The following CD109 variants were observed in gnomAD, a reference collection of about 807,000 sequenced individuals.
CD109 encodes the protein CD109 molecule.
A neutral mutation model predicts 165.8 loss-of-function variants in CD109; 149 were observed. That is an observed-to-expected ratio of 0.90 (90% CI 0.79 to 1.03). The LOEUF (loss-of-function observed/expected upper bound fraction) is 1.03. CD109 is among the 50% of genes least tolerant of loss of function. The pLI is 0.00. For missense variants in CD109, 1,712 were observed against 1,677.8 expected (o/e 1.02, Z -0.36); for synonymous variants, 585 against 592.1 (o/e 0.99, Z 0.18).
rs1163349870 is a variant in CD109, at chr6:73,817,036, A to G, written c.3912-1352A>G. On this transcript the variant is annotated intron_variant, in intron 30 of 32. Transcript: ENST00000287097. ...TAGGGGTTTTATAAAAAGGATTTAA[A>G]TGCTGCTACTAGTTTTCTGAGAAAA... Among the ~76,000 whole-genome samples, 3 of 152,210 alleles carry G rather than the reference A, an allele frequency of 2.0e-5. No homozygotes were observed. The East Asian group carries it at 5.8e-4, about 29-fold the overall frequency.
At chr6:73,790,013 G>C (rs995723375) in intron 22 of CD109, among the ~76,000 whole-genome samples, 3 of 150,476 alleles carry the variant, frequency 2.0e-5, no homozygotes, top group Admixed American at 6.6e-5. Context: ...GGGATTACAG[G>C]TGTGAGCCAT....
chr6:73,778,097 G>A (rs1424473483), intron 15 of CD109, among the ~76,000 whole-genome samples: 1 of 152,172 alleles, frequency 6.6e-6, no homozygotes, highest in Non-Finnish European at 1.5e-5. Context: ...GCAGTGGTTT[G>A]TAGTTCTCCT....
intron 32 of CD109, among the ~76,000 whole-genome samples, chr6:73,821,791 A>G (rs947698066): frequency 6.6e-6 from 1 of 152,180 alleles, no homozygotes; most frequent in Non-Finnish European, 1.5e-5. Context: ...TATTTGGGTG[A>G]CAGGATCAAT....
intron 30 of CD109, among the ~76,000 whole-genome samples, chr6:73,818,135 G>A (rs1014741653): frequency 3.9e-5 from 6 of 152,126 alleles, no homozygotes; most frequent in Non-Finnish European, 7.3e-5. Flanking sequence ...CTCTTACATT[G>A]CAGGCATTGC....
At position 73,779,326 on chromosome 6, in the gene CD109, G is replaced by T. The variant is rs1477389689; in HGVS notation, c.1828-1098G>T. Among the ~76,000 whole-genome samples the T allele has an allele frequency of 3.4e-5, 5 of 149,238 alleles. No individual in the cohort carries two copies. In the East Asian group the frequency reaches 9.9e-4, roughly 30 times the overall value. ...TGCAATAGCGCGATCTTGGCTCACT[G>T]CAACCTCCGCCTCCCGGGTTCAAAC... is the stretch of plus-strand genomic sequence containing the variant. On this transcript the variant is annotated intron_variant, in intron 15 of 32. Transcript: ENST00000287097.
intron 15 of CD109, among the ~76,000 whole-genome samples, chr6:73,773,361 T>C (rs1774117553): frequency 6.6e-6 from 1 of 151,974 alleles, no homozygotes; most frequent in African/African-American, 2.4e-5. Flanking sequence ...GTGTATCTTT[T>C]AAATAGCATA....
intron 5 of CD109, among the ~76,000 whole-genome samples, chr6:73,749,750 G>GT (rs1471417908): frequency 6.6e-6 from 1 of 152,134 alleles, no homozygotes; most frequent in Non-Finnish European, 1.5e-5. Context: ...CATGAGTAAG[G>GT]TAAAAACATC....
chr6:73,699,916 T>G (rs1770999192), intron 2 of CD109, among the ~76,000 whole-genome samples: 2 of 152,186 alleles, frequency 1.3e-5, no homozygotes, highest in Admixed American at 1.3e-4. Context: ...TCAAGACACT[T>G]CTCCCTGCTT....
In CD109 at chr6:73,767,970, A is replaced by G. The variant is rs549720947; in HGVS notation, c.1498-85A>G. On this transcript the variant is annotated intron_variant, in intron 13 of 32. Transcript: ENST00000287097. The stretch of plus-strand genomic sequence containing the variant: ...TGGTTTAATTCAAGAATTTGTGTGT[A>G]TGCATACAATTATGATTAATGTAGC... 1.8e-5 allele frequency: 19 copies of G among 1,083,822 alleles called. No individual in the cohort carries two copies. The South Asian group carries it at 1.9e-4, about 11-fold the overall frequency. The allele number at this position is 1,083,822 out of a possible 1,614,324, so 67.1% of individuals were successfully genotyped here.
intron 22 of CD109, among the ~76,000 whole-genome samples, chr6:73,791,176 TACACACAC>T (rs3081481): frequency 2.9e-4 from 7 of 24,134 alleles, no homozygotes; most frequent in East Asian, 1.6e-3. Flanking sequence ...TATATATATA[TACACACAC>T]ACACATACAT....
intron 24 of CD109, among the ~76,000 whole-genome samples, chr6:73,805,853 G>A (rs867470848): frequency 6.6e-6 from 1 of 152,160 alleles, no homozygotes; most frequent in Non-Finnish European, 1.5e-5. Flanking sequence ...GAGGGCACGG[G>A]GTTGGGGGTA....
chr6:73,802,603 G>T (rs1775407889), intron 23 of CD109, among the ~76,000 whole-genome samples: 1 of 151,438 alleles, frequency 6.6e-6, no homozygotes, highest in African/African-American at 2.4e-5. Context: ...TTAAATAAAA[G>T]TCTGCCTTTA....
At chr6:73,717,882 G>A (rs544041586) in intron 2 of CD109, among the ~76,000 whole-genome samples, 10 of 151,634 alleles carry the variant, frequency 6.6e-5, no homozygotes, top group Middle Eastern at 3.4e-3. Flanking sequence ...GCCTCCCAAA[G>A]TGCTGGGATT....
chr6:73,747,883 CTT>C (rs34248513), intron 5 of CD109, among the ~76,000 whole-genome samples: 1 of 146,154 alleles, frequency 6.8e-6, no homozygotes. Context: ...TTCTTTCTTT[CTT>C]TTTTTTTTTT....
intron 2 of CD109, among the ~76,000 whole-genome samples, chr6:73,712,489 AGAGT>A (rs1438425212): frequency 2.0e-5 from 3 of 152,110 alleles, no homozygotes; most frequent in Non-Finnish European, 2.9e-5. Context: ...TTTTTCATAG[AGAGT>A]ATTTCTGTAC....
intron 19 of CD109, among the ~76,000 whole-genome samples, chr6:73,784,163 T>G (rs1275773150): frequency 6.6e-6 from 1 of 152,196 alleles, no homozygotes; most frequent in African/African-American, 2.4e-5. Context: ...ATTTGTCCTC[T>G]TCAAGAATGA....
chr6:73,771,078 G>A (rs753754797), intron 14 of CD109, among the ~76,000 whole-genome samples: 3 of 152,024 alleles, frequency 2.0e-5, no homozygotes, highest in Non-Finnish European at 2.9e-5. Context: ...TTCCTCTTTC[G>A]TGTTTCTCCT....
In CD109 at chr6:73,782,719, TTCCAGAG is replaced by T; in HGVS notation, c.2070_2076del (p.Phe690LeufsTer6). 6.2e-7 allele frequency: 1 copy of T among 1,614,088 alleles called. No individual in the cohort carries two copies. Among genetic ancestry groups the T allele is most frequent in the Non-Finnish European group, 8.5e-7 (1 of 1,179,958 alleles). ...AGCAGTCCACATGTCCGAAAGCATTTTCCAGAGACTTGGATTTGGCTAGACACCAACA... is the reference window on the plus strand; with the variant it reads ...AGCAGTCCACATGTCCGAAAGCATTTACTTGGATTTGGCTAGACACCAACA... On this transcript the variant is annotated frameshift_variant, in exon 18 of 33. Transcript: ENST00000287097. LOFTEE classifies it high-confidence loss of function.
chr6:73,722,110 T>A (rs1442861165), intron 2 of CD109, among the ~76,000 whole-genome samples: 1 of 152,236 alleles, frequency 6.6e-6, no homozygotes, highest in Non-Finnish European at 1.5e-5. Flanking sequence ...AATTTGACAT[T>A]GGTAAGGTAT....
Sources: allele counts gnomAD v4.1 joint callset (sites outside exome capture counted in the v4.1 genomes callset), GRCh38; gene constraint gnomAD v4.1.1; transcripts MANE v1.5; gene names NCBI Gene and HGNC (gene_info 2026-07-23, HGNC 2026-07-21).